HS3ST3A1: variants seen among roughly 807,000 people sequenced by gnomAD.
The protein encoded by HS3ST3A1 is heparan sulfate-glucosamine 3-sulfotransferase 3A1.
HS3ST3A1 carries 19 observed loss-of-function variants against 25.7 expected under a neutral mutation model. The ratio of observed to expected loss-of-function variants is 0.74; its 90% CI spans 0.52 to 1.08. The LOEUF (loss-of-function observed/expected upper bound fraction) is 1.08. HS3ST3A1 is among the 50% of genes least tolerant of loss of function. The pLI, the probability that HS3ST3A1 is intolerant of heterozygous loss-of-function variation, is 0.00. For synonymous variants in HS3ST3A1, 226 were observed against 278.6 expected (o/e 0.81, Z 1.88); for missense variants, 459 against 594.3 (o/e 0.77, Z 2.37).
At chr17:13,522,365 T>C (rs1906275661) in intron 1 of HS3ST3A1, among the ~76,000 whole-genome samples, 2 of 152,254 alleles carry the variant, frequency 1.3e-5, no homozygotes, top group African/African-American at 4.8e-5. Flanking sequence ...TATTGTATTG[T>C]ATGCTTTTGT....
chr17:13,560,519 T>C lies in HS3ST3A1; in HGVS notation c.599+40012A>G, dbSNP rs376683927. ...CTAAGTAATCATAATACAATCATCATACTCAGGATATTTAACATGGAGGAA... is the reference window on the plus strand; with the variant it reads ...CTAAGTAATCATAATACAATCATCACACTCAGGATATTTAACATGGAGGAA... On this transcript the variant is annotated intron_variant, in intron 1 of 1. Transcript: ENST00000284110. 3.4e-4 allele frequency among the ~76,000 whole-genome samples: 52 copies of C among 152,132 alleles called. No individual in the cohort carries two copies. The South Asian group carries it at 0.01, about 30-fold the overall frequency.
At chr17:13,521,332 G>A (rs1598412574) in intron 1 of HS3ST3A1, among the ~76,000 whole-genome samples, 1 of 152,230 alleles carries the variant, frequency 6.6e-6, no homozygotes, top group South Asian at 2.1e-4. Context: ...TCTTGATCTT[G>A]GGAAAAGAAG....
At chr17:13,548,224 A>C (rs1267914100) in intron 1 of HS3ST3A1, among the ~76,000 whole-genome samples, 1 of 152,192 alleles carries the variant, frequency 6.6e-6, no homozygotes, top group African/African-American at 2.4e-5. Flanking sequence ...GGGAGGTCCA[A>C]GATCAAGGTG....
At chr17:13,536,561 GA>G (rs1338164466) in intron 1 of HS3ST3A1, among the ~76,000 whole-genome samples, 7 of 152,182 alleles carry the variant, frequency 4.6e-5, no homozygotes, top group Non-Finnish European at 1.0e-4. Context: ...CCATAATACA[GA>G]GAAGATCCAA....
chr17:13,575,312 C>T (rs1434753003), intron 1 of HS3ST3A1, among the ~76,000 whole-genome samples: 2 of 152,134 alleles, frequency 1.3e-5, no homozygotes, highest in African/African-American at 2.4e-5. Context: ...TGGATGAGGT[C>T]AGAAAGACAT....
At chr17:13,508,970 T>A (rs538900099) in intron 1 of HS3ST3A1, among the ~76,000 whole-genome samples, 1 of 152,256 alleles carries the variant, frequency 6.6e-6, no homozygotes, top group East Asian at 1.9e-4. Context: ...TTAATTTTTT[T>A]TTTTTTTTTA....
At chr17:13,558,434 A>G (rs867956846) in intron 1 of HS3ST3A1, among the ~76,000 whole-genome samples, 2 of 152,166 alleles carry the variant, frequency 1.3e-5, no homozygotes, top group Non-Finnish European at 2.9e-5. Context: ...AATTTCAAAG[A>G]TCAATTATAC....
intron 1 of HS3ST3A1, among the ~76,000 whole-genome samples, chr17:13,500,331 A>C (rs971071750): frequency 6.6e-6 from 1 of 152,226 alleles, no homozygotes; most frequent in Non-Finnish European, 1.5e-5. Flanking sequence ...TCAACCTAAC[A>C]CTTTTAATGG....
At chr17:13,540,523 T>C (rs528090255) in intron 1 of HS3ST3A1, among the ~76,000 whole-genome samples, 4 of 152,342 alleles carry the variant, frequency 2.6e-5, no homozygotes, top group Non-Finnish European at 5.9e-5. Flanking sequence ...CTTTTTCCAG[T>C]AGTTTAAATA....
At chr17:13,526,677 C>T (rs902201009) in intron 1 of HS3ST3A1, among the ~76,000 whole-genome samples, 1 of 151,220 alleles carries the variant, frequency 6.6e-6, no homozygotes, top group African/African-American at 2.4e-5. Context: ...GACAGAGTTT[C>T]GCTCTTGTTG....
chr17:13,496,947 T>G (rs545357996), intron 1 of HS3ST3A1, 129 bp from the exon 2 acceptor site: 9 of 1,310,724 alleles, frequency 6.9e-6, no homozygotes, highest in Non-Finnish European at 9.3e-6. Flanking sequence ...AGACATCTGA[T>G]GGTGACGTCG....
intron 1 of HS3ST3A1, among the ~76,000 whole-genome samples, chr17:13,530,528 G>T (rs193238743): frequency 2.0e-5 from 3 of 152,116 alleles, no homozygotes; most frequent in African/African-American, 7.2e-5. Flanking sequence ...TTCAAAGGCG[G>T]TCCTGTTACA....
intron 1 of HS3ST3A1, among the ~76,000 whole-genome samples, chr17:13,575,262 G>A (rs1907922706): frequency 6.6e-6 from 1 of 152,120 alleles, no homozygotes; most frequent in African/African-American, 2.4e-5. Context: ...ACACTAAGTA[G>A]GGAAAAAGCA....
At chr17:13,595,682 G>A (rs868757671) in intron 1 of HS3ST3A1, among the ~76,000 whole-genome samples, 2 of 152,162 alleles carry the variant, frequency 1.3e-5, no homozygotes, top group Non-Finnish European at 2.9e-5. Flanking sequence ...ACCAAGAAAC[G>A]ATGCTCTTTT....
At chr17:13,561,356 T>A (rs769255090) in intron 1 of HS3ST3A1, among the ~76,000 whole-genome samples, 15 of 152,114 alleles carry the variant, frequency 9.9e-5, no homozygotes, top group Middle Eastern at 3.4e-3. Context: ...CTTGTGAGCA[T>A]TCGAGCATTC....
chr17:13,567,532 C>T (rs987455803), intron 1 of HS3ST3A1, among the ~76,000 whole-genome samples: 1 of 152,198 alleles, frequency 6.6e-6, no homozygotes, highest in Admixed American at 6.6e-5. Flanking sequence ...TGAAAACCTT[C>T]TGGAAAGAAC....
Position 13,600,577 on chromosome 17 carries a change from G to C in HS3ST3A1, c.553C>G (p.Pro185Ala). 1 of 1,601,970 alleles carries C rather than the reference G, an allele frequency of 6.2e-7. No homozygotes were observed. Among genetic ancestry groups the C allele is most frequent in the Admixed American group, 1.7e-5 (1 of 59,702 alleles). The stretch of plus-strand genomic sequence containing the variant: ...TCGTAGCTGCGGTCGAAGAAGTGGG[G>C]CTCGGCGCCCACGGCGCGCACGTCG... Reference protein sequence around the residue: ...HPDVRAVGAEPHFFDRSYDKG... With the variant: ...HPDVRAVGAEAHFFDRSYDKG... Residue 185 changes from proline (P) to alanine (A), a missense_variant, in exon 1 of 2, where the codon CCC becomes GCC. This residue lies in a region of HS3ST3A1 where 346 missense variants were observed against 303.9 expected (regional missense o/e 1.14). Coordinates refer to ENST00000284110, the MANE Select transcript of HS3ST3A1 (RefSeq NM_006042.3).
At chr17:13,506,434 G>A (rs1157366233) in intron 1 of HS3ST3A1, among the ~76,000 whole-genome samples, 1 of 152,158 alleles carries the variant, frequency 6.6e-6, no homozygotes, top group Non-Finnish European at 1.5e-5. Flanking sequence ...GCTCTGCGTA[G>A]CATCATGCTG....
intron 1 of HS3ST3A1, among the ~76,000 whole-genome samples, chr17:13,522,792 T>A (rs1219209623): frequency 1.3e-5 from 2 of 151,484 alleles, no homozygotes; most frequent in Non-Finnish European, 2.9e-5. Flanking sequence ...ATACCAAAGC[T>A]GTTTCAAGTC....
Sources: allele counts gnomAD v4.1 joint callset (sites outside exome capture counted in the v4.1 genomes callset), GRCh38; gene constraint gnomAD v4.1.1; regional missense constraint gnomAD v4.1.1; transcripts MANE v1.5; gene names NCBI Gene and HGNC (gene_info 2026-07-23, HGNC 2026-07-21).